The following SNTG1 variants were observed in gnomAD, a reference collection of about 807,000 sequenced individuals.
SNTG1 encodes gamma-1-syntrophin.
Under a neutral mutation model 74.7 loss-of-function variants are expected in SNTG1, and 39 were observed. The observed-to-expected ratio is 0.52, with a 90% CI of 0.40 to 0.68. SNTG1 has a LOEUF of 0.68. Among genes scored for constraint, SNTG1 ranks in the 30% least tolerant of loss-of-function variants. The pLI is 0.00. For synonymous variants in SNTG1, 254 were observed against 217.1 expected, an observed-to-expected ratio of 1.17 and a Z score of -1.49; for missense variants, 685 against 609.5, an observed-to-expected ratio of 1.12 and a Z score of -1.30.
At chr8:49,925,266 A>C (rs942193404) in intron 1 of SNTG1, among the ~76,000 whole-genome samples, 6 of 152,248 alleles carry the variant, frequency 3.9e-5, no homozygotes, top group African/African-American at 1.4e-4. Flanking sequence ...AACTGAAAGA[A>C]GGTTGCAGAC....
In SNTG1 at chr8:49,961,392, A is replaced by G. The variant is rs188749970; in HGVS notation, c.-103+49161A>G. Reference sequence around the variant, plus strand: ...AGAAACTTTTGATTATAGGAAAAAGAATAATTGGTGCTTTCTAACCTGTAG... The same window carrying G: ...AGAAACTTTTGATTATAGGAAAAAGGATAATTGGTGCTTTCTAACCTGTAG... On this transcript the variant is annotated intron_variant, in intron 1 of 18. Transcript: ENST00000642720. 3.6e-3 allele frequency among the ~76,000 whole-genome samples: 544 copies of G among 152,328 alleles called. 3 individuals are homozygous for G. The highest frequency in any genetic ancestry group is 0.012 in the African/African-American group (519 of 41,574).
At chr8:50,765,701 T>C (rs750999149) in intron 18 of SNTG1, among the ~76,000 whole-genome samples, 8 of 152,024 alleles carry the variant, frequency 5.3e-5, no homozygotes, top group Non-Finnish European at 1.2e-4. Flanking sequence ...TTCTCACTCT[T>C]GATAACCCCA....
chr8:50,301,715 G>T lies in SNTG1; in HGVS notation c.-27-92497G>T, dbSNP rs577007669. Among the ~76,000 whole-genome samples, 18 of 151,828 alleles carry T rather than the reference G, an allele frequency of 1.2e-4. No homozygotes were observed. The East Asian group carries it at 3.5e-3, about 29-fold the overall frequency. Reference sequence around the variant, plus strand: ...CACATCCCCTGGGATTGCCATTTTTGTTGTTTTTCTGTTCATTTATTTTGG... The same window carrying T: ...CACATCCCCTGGGATTGCCATTTTTTTTGTTTTTCTGTTCATTTATTTTGG... On this transcript the variant is annotated intron_variant, in intron 2 of 18. Transcript: ENST00000642720.
intron 2 of SNTG1, among the ~76,000 whole-genome samples, chr8:50,220,571 A>G (rs1170755454): frequency 6.6e-6 from 1 of 152,074 alleles, no homozygotes. Flanking sequence ...TAGAGTGGAA[A>G]TGTATTGAAG....
At chr8:50,357,667 C>G (rs1444180220) in intron 2 of SNTG1, among the ~76,000 whole-genome samples, 2 of 152,176 alleles carry the variant, frequency 1.3e-5, no homozygotes, top group African/African-American at 4.8e-5. Context: ...CTTGTCAGCA[C>G]ATTCATGTTT....
intron 1 of SNTG1, among the ~76,000 whole-genome samples, chr8:50,066,362 T>C (rs917894685): frequency 2.6e-5 from 4 of 152,140 alleles, no homozygotes; most frequent in Non-Finnish European, 5.9e-5. Flanking sequence ...TATATATATA[T>C]AAACAATTAC....
intron 2 of SNTG1, among the ~76,000 whole-genome samples, chr8:50,342,451 CTT>C (rs1292771439): frequency 6.6e-6 from 1 of 152,106 alleles, no homozygotes; most frequent in Admixed American, 6.6e-5. Flanking sequence ...TAATTATACT[CTT>C]TGCATTGCAA....
At chr8:50,215,462 TAATATATATATATAG>T in intron 2 of SNTG1, among the ~76,000 whole-genome samples, 1 of 147,022 alleles carries the variant, frequency 6.8e-6, no homozygotes, top group Non-Finnish European at 1.5e-5. Flanking sequence ...TCTCTCTATA[TAATATATATATATAG>T]ACTATATATA....
At chr8:50,112,439 T>C (rs941302722) in intron 1 of SNTG1, among the ~76,000 whole-genome samples, 4 of 150,818 alleles carry the variant, frequency 2.7e-5, no homozygotes, top group Non-Finnish European at 5.9e-5. Context: ...GTAAAAACCT[T>C]AATTAAAAAA....
intron 11 of SNTG1, among the ~76,000 whole-genome samples, chr8:50,540,153 A>G (rs1585620336): frequency 6.6e-6 from 1 of 152,316 alleles, no homozygotes; most frequent in Admixed American, 6.5e-5. Flanking sequence ...AGCAGCTGAT[A>G]AGAATGAGGC....
intron 2 of SNTG1, among the ~76,000 whole-genome samples, chr8:50,179,736 T>C (rs1361221459): frequency 6.6e-6 from 1 of 152,174 alleles, no homozygotes; most frequent in Non-Finnish European, 1.5e-5. Context: ...AAGATATCAC[T>C]TTACATCTGT....
intron 1 of SNTG1, among the ~76,000 whole-genome samples, chr8:49,913,975 C>T (rs1165620590): frequency 1.3e-5 from 2 of 151,930 alleles, no homozygotes; most frequent in Non-Finnish European, 2.9e-5. Flanking sequence ...GTTACCTTTG[C>T]CTAATCCCTT....
chr8:50,778,380 T>C (rs1259781034), intron 18 of SNTG1, among the ~76,000 whole-genome samples: 1 of 152,144 alleles, frequency 6.6e-6, no homozygotes, highest in Non-Finnish European at 1.5e-5. Context: ...TCCTGACTTT[T>C]TAATGATTGC....
chr8:50,587,834 G>T (rs994658759), intron 12 of SNTG1, among the ~76,000 whole-genome samples: 1 of 150,916 alleles, frequency 6.6e-6, no homozygotes, highest in Non-Finnish European at 1.5e-5. Context: ...AAAAAATTTA[G>T]CGGCTCATGG....
At chr8:50,458,654 A>G (rs1211672021) in intron 8 of SNTG1, among the ~76,000 whole-genome samples, 1 of 152,182 alleles carries the variant, frequency 6.6e-6, no homozygotes, top group Non-Finnish European at 1.5e-5. Flanking sequence ...TTACATGTCT[A>G]CACTTGCCAT....
intron 13 of SNTG1, among the ~76,000 whole-genome samples, chr8:50,602,483 A>G (rs933850295): frequency 2.6e-5 from 4 of 152,016 alleles, no homozygotes; most frequent in African/African-American, 9.7e-5. Flanking sequence ...AGTTGTAGTT[A>G]TTATTTTTGA....
intron 8 of SNTG1, among the ~76,000 whole-genome samples, chr8:50,467,156 G>T (rs58194644): frequency 0.032 from 4,825 of 151,764 alleles, 254 homozygotes; most frequent in African/African-American, 0.11. Context: ...AACTTTTGTG[G>T]GTGTTAGGTT....
At chr8:50,053,672 G>T (rs1819778230) in intron 1 of SNTG1, among the ~76,000 whole-genome samples, 1 of 98,334 alleles carries the variant, frequency 1.0e-5, no homozygotes, top group South Asian at 3.5e-4. Flanking sequence ...ATCCAGGATA[G>T]TATCCTGGAT....
chr8:49,944,564 T>A (rs1275359300), intron 1 of SNTG1, among the ~76,000 whole-genome samples: 1 of 107,148 alleles, frequency 9.3e-6, no homozygotes, highest in Non-Finnish European at 1.7e-5. Flanking sequence ...AACATCACCC[T>A]CTGGGGACTG....
Sources: allele counts gnomAD v4.1 joint callset (sites outside exome capture counted in the v4.1 genomes callset), GRCh38; gene constraint gnomAD v4.1.1; transcripts MANE v1.5; gene names NCBI Gene and HGNC (gene_info 2026-07-23, HGNC 2026-07-21).